Variants in ELOVL6 observed in about 807,000 individuals in gnomAD.
The protein encoded by ELOVL6 is ELOVL fatty acid elongase 6, also known as very long chain fatty acid elongase 6.
Under a neutral mutation model 31.7 loss-of-function variants are expected in ELOVL6, and 8 were observed. That is an observed-to-expected ratio of 0.25 (90% confidence interval 0.15 to 0.45). ELOVL6 has a LOEUF of 0.45. Ranked by LOEUF, ELOVL6 falls within the 20% of genes least tolerant of loss-of-function variation. ELOVL6 has a pLI of 1.00. For synonymous variants in ELOVL6, 101 were observed against 117.7 expected, an observed-to-expected ratio of 0.86 and a Z score of 0.92; for missense variants, 126 against 326.4, an observed-to-expected ratio of 0.39 and a Z score of 4.73.
chr4:110,072,618 T>C (rs544437651), intron 2 of ELOVL6, among the ~76,000 whole-genome samples: 1 of 151,950 alleles, frequency 6.6e-6, no homozygotes, highest in South Asian at 2.1e-4. Context: ...CTGGCAACAG[T>C]TGGCAGTGAC....
At chr4:110,178,600 T>C (rs1198262797) in intron 1 of ELOVL6, among the ~76,000 whole-genome samples, 1 of 150,848 alleles carries the variant, frequency 6.6e-6, no homozygotes, top group Non-Finnish European at 1.5e-5. Context: ...CTCACACCTA[T>C]AGTCCCAGCA....
intron 1 of ELOVL6, among the ~76,000 whole-genome samples, chr4:110,183,491 C>A (rs186188436): frequency 4.1e-4 from 63 of 152,292 alleles, no homozygotes; most frequent in Non-Finnish European, 7.3e-4. Context: ...TGAGACTATA[C>A]CTCAGGCCAT....
At position 110,171,328 on chromosome 4, in the gene ELOVL6, G is replaced by C. The variant is rs536711989; in HGVS notation, c.89+26919C>G. On this transcript the variant is annotated intron_variant, in intron 1 of 3. Transcript: ENST00000302274. ...GGAGGCTGAGCCAGGAGAATCGCTTGAACCTGGGAATCAGAGGTTGCAGTG... is the reference window on the plus strand; with the variant it reads ...GGAGGCTGAGCCAGGAGAATCGCTTCAACCTGGGAATCAGAGGTTGCAGTG... 1.7e-4 allele frequency among the ~76,000 whole-genome samples: 26 copies of C among 152,152 alleles called. No homozygotes were observed. In the South Asian group the frequency reaches 5.4e-3, roughly 32 times the overall value.
At chr4:110,156,512 C>A (rs1758420490) in intron 1 of ELOVL6, among the ~76,000 whole-genome samples, 1 of 151,898 alleles carries the variant, frequency 6.6e-6, no homozygotes, top group African/African-American at 2.4e-5. Flanking sequence ...CTAGAGAGAC[C>A]CCGTCTCCAC....
intron 1 of ELOVL6, among the ~76,000 whole-genome samples, chr4:110,165,584 C>T (rs189056234): frequency 1.7e-3 from 255 of 152,336 alleles, no homozygotes; most frequent in Non-Finnish European, 2.8e-3. Flanking sequence ...GCTTTGTTCT[C>T]TGTAGCACAT....
intron 2 of ELOVL6, among the ~76,000 whole-genome samples, chr4:110,087,204 C>T (rs892739795): frequency 6.6e-5 from 10 of 152,126 alleles, no homozygotes; most frequent in Admixed American, 6.5e-5. Flanking sequence ...CAGACACCGC[C>T]CCCACAAGGA....
At chr4:110,114,154 A>G (rs1459285632) in intron 1 of ELOVL6, among the ~76,000 whole-genome samples, 1 of 152,224 alleles carries the variant, frequency 6.6e-6, no homozygotes, top group Admixed American at 6.5e-5. Flanking sequence ...AATGCCTCCT[A>G]TTAAATAAGA....
chr4:110,084,076 C>CTATATATGATATATAACATATATATGA lies in ELOVL6; in HGVS notation c.221+21394_221+21420dup, dbSNP rs1560813861. On this transcript the variant is annotated intron_variant, in intron 2 of 3. Transcript: ENST00000302274. ...ATATATGATATATAACATATATATGCTATATATGATATATAACATATATAT... is the reference window on the plus strand; with the variant it reads ...ATATATGATATATAACATATATATGCTATATATGATATATAACATATATATGATATATATGATATATAACATATATAT... Among the ~76,000 whole-genome samples the CTATATATGATATATAACATATATATGA allele has an allele frequency of 9.6e-4, 16 of 16,692 alleles. 3 individuals carry two copies. The highest frequency in any genetic ancestry group is 3.7e-3 in the African/African-American group (13 of 3,530). 11.0% of individuals were successfully genotyped at this position (16,692 alleles called of 152,430 possible).
chr4:110,116,689 C>A (rs1757175596), intron 1 of ELOVL6, among the ~76,000 whole-genome samples: 1 of 152,134 alleles, frequency 6.6e-6, no homozygotes, highest in South Asian at 2.1e-4. Context: ...TCTCTTAATC[C>A]CAATCTTAAA....
chr4:110,169,929 C>T (rs1758895030), intron 1 of ELOVL6, among the ~76,000 whole-genome samples: 1 of 151,624 alleles, frequency 6.6e-6, no homozygotes, highest in African/African-American at 2.4e-5. Flanking sequence ...TTCAGCCTCC[C>T]AAGTAGCTGG....
intron 2 of ELOVL6, among the ~76,000 whole-genome samples, chr4:110,099,123 A>T (rs913311364): frequency 6.6e-6 from 1 of 152,090 alleles, no homozygotes; most frequent in African/African-American, 2.4e-5. Context: ...GTTTTATTAT[A>T]TACTTGTTGG....
chr4:110,128,079 A>C (rs1757560866), intron 1 of ELOVL6, among the ~76,000 whole-genome samples: 1 of 151,982 alleles, frequency 6.6e-6, no homozygotes, highest in South Asian at 2.1e-4. Flanking sequence ...ATTAGGAAAC[A>C]CACAGGAGGC....
At chr4:110,140,729 T>A (rs1031287723) in intron 1 of ELOVL6, among the ~76,000 whole-genome samples, 2 of 151,470 alleles carry the variant, frequency 1.3e-5, no homozygotes, top group Non-Finnish European at 2.9e-5. Context: ...CAATGACTAT[T>A]TGTTAATTGC....
At chr4:110,101,107 T>A (rs1578481163) in intron 2 of ELOVL6, among the ~76,000 whole-genome samples, 1 of 152,172 alleles carries the variant, frequency 6.6e-6, no homozygotes, top group African/African-American at 2.4e-5. Context: ...TGGCACAATC[T>A]CAGCTCACTG....
chr4:110,128,687 A>G (rs1010665132), intron 1 of ELOVL6, among the ~76,000 whole-genome samples: 16 of 152,330 alleles, frequency 1.1e-4, no homozygotes, highest in Middle Eastern at 6.8e-3. Flanking sequence ...TCAGACACTT[A>G]TCTGTGAGCG....
chr4:110,187,033 ATAAT>A (rs1248720797), intron 1 of ELOVL6, among the ~76,000 whole-genome samples: 1 of 151,068 alleles, frequency 6.6e-6, no homozygotes. Flanking sequence ...AATAGTTATT[ATAAT>A]TAGCCAATCC....
intron 2 of ELOVL6, among the ~76,000 whole-genome samples, chr4:110,094,821 C>T (rs1008198670): frequency 6.6e-6 from 1 of 151,852 alleles, no homozygotes; most frequent in Non-Finnish European, 1.5e-5. Context: ...GCAGTTGATG[C>T]AAGAAATACA....
At chr4:110,087,785 G>T in intron 2 of ELOVL6, among the ~76,000 whole-genome samples, 1 of 145,620 alleles carries the variant, frequency 6.9e-6, no homozygotes. Context: ...AATAGCTCCT[G>T]TTACCTAAAA....
intron 1 of ELOVL6, among the ~76,000 whole-genome samples, chr4:110,197,620 GTC>G (rs1759847963): frequency 6.6e-6 from 1 of 151,898 alleles, no homozygotes; most frequent in African/African-American, 2.4e-5. Flanking sequence ...CTCCCACCCG[GTC>G]TCTCTATGAA....
Sources: gnomAD v4.1 joint callset for allele counts (sites outside exome capture counted in the v4.1 genomes callset) on GRCh38, gnomAD v4.1.1 for gene constraint, MANE v1.5 for transcripts, NCBI Gene and HGNC (gene_info 2026-07-23, HGNC 2026-07-21) for gene names.